Variants in VEGFA observed in about 807,000 individuals in gnomAD.
VEGFA encodes the protein vascular endothelial growth factor A, long form.
Under a neutral mutation model 49.7 loss-of-function variants are expected in VEGFA, and 20 were observed. That is an observed-to-expected ratio of 0.40 (90% confidence interval 0.28 to 0.58). The LOEUF is 0.58. VEGFA is among the 20% of genes least tolerant of loss of function. The pLI, the probability that VEGFA is intolerant of heterozygous loss-of-function variation, is 0.40. For synonymous variants in VEGFA, 219 were observed against 223.4 expected (o/e 0.98, Z 0.18); for missense variants, 505 against 553.5 (o/e 0.91, Z 0.88).
At chr6:43,779,394 C>G in intron 5 of VEGFA, 1 of 335,612 alleles carries the variant, frequency 3.0e-6, no homozygotes, top group Non-Finnish European at 5.7e-6. Flanking sequence ...CTGTAGGCGG[C>G]AGGCGGCAGA....
Position 43,770,745 on chromosome 6 carries a change from C to G in VEGFA, c.39C>G (p.Ser13Arg). 8.6e-6 allele frequency: 13 copies of G among 1,518,974 alleles called. No individual in the cohort carries two copies. Among genetic ancestry groups the G allele is most frequent in the Non-Finnish European group, 1.1e-5 (13 of 1,143,170 alleles). The allele number at this position is 1,518,974 out of a possible 1,614,324, so 94.1% of individuals were successfully genotyped here. Residue 13 changes from serine to arginine, a missense_variant, in exon 1 of 8, where the codon AGC (serine) becomes AGG (arginine). Physicochemically the swap from Ser to Arg is moderately radical, Grantham distance 110. Transcript: ENST00000672860. ...AGACAGACACCGCCCCCAGCCCCAG[C>G]TACCACCTCCTCCCCGGCCGGCGGC...
intron 1 of VEGFA, 104 bp downstream of exon 1, chr6:43,771,416 G>T (rs1763506288): frequency 8.4e-7 from 1 of 1,197,068 alleles, no homozygotes; most frequent in Non-Finnish European, 1.1e-6. Context: ...CCCCACGCGG[G>T]TCCATGGGCA....
intron 2 of VEGFA, chr6:43,775,333 T>G (rs553959813): frequency 1.3e-5 from 2 of 152,276 alleles, no homozygotes; most frequent in Non-Finnish European, 2.9e-5. Context: ...AGGTCTTTGT[T>G]TGCTGGAGAA....
chr6:43,774,556 C>G, intron 2 of VEGFA, 164 bp downstream of exon 2: 1 of 787,590 alleles, frequency 1.3e-6, no homozygotes, highest in Non-Finnish European at 2.2e-6. Context: ...CCCTCAGTTT[C>G]GTGAGGACTC....
In VEGFA at chr6:43,784,626, T is replaced by G; in HGVS notation, c.*64T>G. ...AACCAGATCTCTCACCAGGAAAGAC[T>G]GATACAGAACGATCGATACAGAAAC... On this transcript the variant is annotated 3_prime_UTR_variant, in exon 8 of 8. Coordinates refer to ENST00000672860, the MANE Select transcript of VEGFA (RefSeq NM_003376.6). 1 of 1,614,122 alleles carries G rather than the reference T, an allele frequency of 6.2e-7. No homozygotes were observed. The highest frequency in any genetic ancestry group is 8.5e-7 in the Non-Finnish European group (1 of 1,179,972).
chr6:43,774,985 C>T (rs189458381), intron 2 of VEGFA: 4 of 167,308 alleles, frequency 2.4e-5, no homozygotes, highest in East Asian at 1.6e-4. Context: ...ACCCCGAGTC[C>T]GCCTGCCTTT....
At chr6:43,772,766 G>T (rs908879841) in intron 1 of VEGFA, among the ~76,000 whole-genome samples, 3 of 152,192 alleles carry the variant, frequency 2.0e-5, no homozygotes, top group Admixed American at 6.5e-5. Context: ...GAAAGCCATG[G>T]ACAGGGGTCG....
At chr6:43,779,190 G>T in intron 5 of VEGFA, 1 of 572,950 alleles carries the variant, frequency 1.7e-6, no homozygotes, top group Admixed American at 3.0e-5. Flanking sequence ...AGGACTTGCT[G>T]TTTCGGTGTG....
intron 7 of VEGFA, chr6:43,784,326 C>G: frequency 4.8e-6 from 3 of 620,968 alleles, no homozygotes; most frequent in South Asian, 3.8e-5. Flanking sequence ...CTGAGTGGAG[C>G]TGCTGCTCAG....
In VEGFA at chr6:43,778,063, T is replaced by C. The variant is rs1766053508; in HGVS notation, c.856-397T>C. On this transcript the variant is annotated intron_variant, in intron 3 of 7. Transcript: ENST00000672860. ...TGGTGTTACCTGGTAATGGGGCACA[T>C]CTCAGCCCAGATAGGGTGGGAGGGA... is the stretch of plus-strand genomic sequence containing the variant. The C allele has an allele frequency of 7.0e-5, 31 of 443,712 alleles. No homozygotes were observed. The South Asian group carries it at 7.0e-4, about 10-fold the overall frequency. The allele number at this position is 443,712 out of a possible 1,614,324, so 27.5% of individuals were successfully genotyped here.
intron 2 of VEGFA, chr6:43,775,910 T>A (rs566723624): frequency 1.3e-5 from 2 of 151,628 alleles, no homozygotes; most frequent in Non-Finnish European, 2.9e-5. Context: ...TTCTTCCCAA[T>A]CAACCTATTG....
rs748352475 is a variant in VEGFA, at chr6:43,777,546, C to G, written c.736C>G (p.Pro246Ala). 3.0e-5 allele frequency: 49 copies of G among 1,614,048 alleles called. No individual in the cohort carries two copies. The highest frequency in any genetic ancestry group is 4.0e-5 in the Non-Finnish European group (47 of 1,180,046). Residue 246 changes from proline to alanine, a missense_variant, in exon 3 of 8, where the codon CCT (proline) becomes GCT (alanine). Physicochemically the swap from Pro to Ala is conservative, Grantham distance 27. This residue lies in a region of VEGFA where 165 missense variants were observed against 231.7 expected (regional missense o/e 0.71). Coordinates refer to ENST00000672860, the MANE Select transcript of VEGFA (RefSeq NM_003376.6). This position sits in a 1 kb window ranked among gnomAD's most constrained non-coding sequence, Gnocchi z 4.3. Reference sequence around the variant, plus strand: ...CCTGGTGGACATCTTCCAGGAGTACCCTGATGAGATCGAGTACATCTTCAA... The same window carrying G: ...CCTGGTGGACATCTTCCAGGAGTACGCTGATGAGATCGAGTACATCTTCAA...
rs777632185 is a variant in VEGFA, at chr6:43,781,978, C to T, written c.1057C>T (p.Arg353Trp). 34 of 1,613,802 alleles carry T rather than the reference C, an allele frequency of 2.1e-5. No individual in the cohort carries two copies. The highest frequency in any genetic ancestry group is 2.0e-4 in the South Asian group (18 of 91,068). The change falls in exon 7 of 8, where the codon CGG (arginine) becomes TGG (tryptophan). Residue 353 changes from arginine to tryptophan, a missense_variant. Physicochemically the swap from Arg to Trp is moderately radical, Grantham distance 101. Transcript: ENST00000672860. ...CAGTCCCTGTGGGCCTTGCTCAGAG[C>T]GGAGAAAGCATTTGTTTGTACAAGA...
chr6:43,782,045 G>T lies in VEGFA; in HGVS notation c.1124G>T (p.Arg375Leu), dbSNP rs369593555. 6.2e-7 allele frequency: 1 copy of T among 1,614,074 alleles called. No homozygotes were observed. The highest frequency in any genetic ancestry group is 8.5e-7 in the Non-Finnish European group (1 of 1,180,004). The change falls in exon 7 of 8, where the codon CGT becomes CTT. Residue 375 changes from arginine (R) to leucine (L), a missense_variant. Arg to Leu is a moderately radical substitution (Grantham distance 102). This residue lies in a region of VEGFA where 165 missense variants were observed against 231.7 expected (regional missense o/e 0.71). Transcript: ENST00000672860. ...TGTTCCTGCAAAAACACAGACTCGC[G>T]TTGCAAGGCGAGGCAGCTTGAGTTA... is the stretch of plus-strand genomic sequence containing the variant.
In VEGFA at chr6:43,777,350, T is replaced by G; in HGVS notation, c.659-119T>G. 8.8e-7 allele frequency: 1 copy of G among 1,132,974 alleles called. No homozygotes were observed. Among genetic ancestry groups the G allele is most frequent in the Non-Finnish European group, 1.3e-6 (1 of 769,512 alleles). The allele number at this position is 1,132,974 out of a possible 1,614,324, so 70.2% of individuals were successfully genotyped here. A position where few individuals can be genotyped will look rare whatever the true frequency, so the allele number is the denominator to read the frequency against. On this transcript the variant is annotated intron_variant, in intron 2 of 7. Coordinates refer to ENST00000672860, the MANE Select transcript of VEGFA (RefSeq NM_003376.6). The surrounding 1 kb of genome is among the most constrained non-coding windows in gnomAD (Gnocchi z 4.3). ...AGTAGGAGGGACTTACGTTAGATTT[T>G]GGAAGGACTTGCCTGATTCGGAAGC...
In VEGFA at chr6:43,771,182, C is replaced by T. The variant is rs1582462268; in HGVS notation, c.476C>T (p.Pro159Leu). 3 of 1,588,702 alleles carry T rather than the reference C, an allele frequency of 1.9e-6. No homozygotes were observed. The highest frequency in any genetic ancestry group is 2.6e-6 in the Non-Finnish European group (3 of 1,170,810). The stretch of plus-strand genomic sequence containing the variant: ...CGCCGAGGCGCCGAGGAGAGCGGGC[C>T]GCCCCACAGCCCGAGCCGGAGAGGG... The change falls in exon 1 of 8, where the codon CCG becomes CTG. Residue 159 changes from proline (P) to leucine (L), a missense_variant. This residue lies in a region of VEGFA where 340 missense variants were observed against 321.8 expected (regional missense o/e 1.06). Coordinates refer to ENST00000672860, the MANE Select transcript of VEGFA (RefSeq NM_003376.6).
Position 43,773,614 on chromosome 6 carries a change from G to A in VEGFA, c.607-727G>A, listed in dbSNP as rs1481450046. 1 of 152,926 alleles carries A rather than the reference G, an allele frequency of 6.5e-6. No individual in the cohort carries two copies. Among genetic ancestry groups the A allele is most frequent in the Non-Finnish European group, 1.5e-5 (1 of 68,586 alleles). The allele number at this position is 152,926 out of a possible 1,614,324, so 9.5% of individuals were successfully genotyped here. On this transcript the variant is annotated intron_variant, in intron 1 of 7. Coordinates refer to ENST00000672860, the MANE Select transcript of VEGFA (RefSeq NM_003376.6). This position sits in a 1 kb window ranked among gnomAD's most constrained non-coding sequence, Gnocchi z 5.6. ...AGGGGCTTGGCACCTCCTCACCCTG[G>A]GAGGGAGAAGAAACCAGGGAACAGG...
intron 5 of VEGFA, chr6:43,779,789 C>A: frequency 2.2e-6 from 1 of 451,840 alleles, no homozygotes; most frequent in African/African-American, 2.0e-5. Context: ...GGTCCCTTCT[C>A]CCCCTCCTTT....
intron 6 of VEGFA, chr6:43,781,027 C>T (rs1245600446): frequency 2.9e-5 from 33 of 1,128,186 alleles, no homozygotes; most frequent in East Asian, 1.8e-4. Flanking sequence ...ATGGGGGTGC[C>T]GACTTGGCCT....
Sources: gnomAD v4.1 joint callset for allele counts (sites outside exome capture counted in the v4.1 genomes callset) on GRCh38, gnomAD v4.1.1 for gene constraint, gnomAD v4.1.1 regional missense constraint, Gnocchi (gnomAD v3.1) non-coding constraint, MANE v1.5 for transcripts, NCBI Gene and HGNC (gene_info 2026-07-23, HGNC 2026-07-21) for gene names.